SMG9: variants seen among roughly 807,000 people sequenced by gnomAD.
The protein encoded by SMG9 is SMG9 nonsense mediated mRNA decay factor.
In SMG9, 55 loss-of-function variants were observed where a neutral mutation model predicts 64.0. The observed-to-expected ratio is 0.86, with a 90% CI of 0.69 to 1.08. SMG9 has a LOEUF of 1.08. SMG9 is among the 50% of genes least tolerant of loss of function. The pLI, the probability that SMG9 is intolerant of heterozygous loss-of-function variation, is 0.00. For synonymous variants in SMG9, 244 were observed against 254.8 expected (o/e 0.96, Z 0.41); for missense variants, 554 against 681.3 (o/e 0.81, Z 2.08).
chr19:43,753,823 T>C (rs1969268643), intron 1 of SMG9, among the ~76,000 whole-genome samples: 1 of 150,724 alleles, frequency 6.6e-6, no homozygotes, highest in African/African-American at 2.4e-5. Context: ...CCTTGGAACT[T>C]AAAAGCCCAC....
intron 6 of SMG9, among the ~76,000 whole-genome samples, chr19:43,743,164 T>C (rs1031076708): frequency 6.6e-6 from 1 of 152,034 alleles, no homozygotes; most frequent in Non-Finnish European, 1.5e-5. Context: ...CAGGCTGACG[T>C]GGCTCAAAAA....
chr19:43,731,377 G>A lies in SMG9; in HGVS notation c.*219C>T. ...CACAGGACGGGCTACCCCATCTCAG[G>A]TTTGGGGTGGGATCGCTCACAGTCA... is the stretch of plus-strand genomic sequence containing the variant. On this transcript the variant is annotated 3_prime_UTR_variant, in exon 14 of 14. Transcript: ENST00000270066. 7.3e-7 allele frequency: 1 copy of A among 1,368,654 alleles called. No individual in the cohort carries two copies. Among genetic ancestry groups the A allele is most frequent in the Non-Finnish European group, 9.4e-7 (1 of 1,060,262 alleles). The allele number at this position is 1,368,654 out of a possible 1,614,324, so 84.8% of individuals were successfully genotyped here. A position where few individuals can be genotyped will look rare whatever the true frequency, so the allele number is the denominator to read the frequency against.
At chr19:43,737,086 C>T (rs1968694069) in intron 9 of SMG9, among the ~76,000 whole-genome samples, 1 of 152,106 alleles carries the variant, frequency 6.6e-6, no homozygotes, top group African/African-American at 2.4e-5. Flanking sequence ...CCAGCCTAGC[C>T]AACATGGTGA....
intron 5 of SMG9, among the ~76,000 whole-genome samples, chr19:43,747,223 A>C (rs1007990837): frequency 1.3e-5 from 2 of 152,130 alleles, no homozygotes; most frequent in Non-Finnish European, 2.9e-5. Context: ...GTACTTCTTT[A>C]CCAATCGGTA....
At chr19:43,737,856 A>T in intron 8 of SMG9, 174 bp from the exon 9 acceptor site, 1 of 673,796 alleles carries the variant, frequency 1.5e-6, no homozygotes, top group Non-Finnish European at 2.5e-6. Context: ...AACTCAGGAA[A>T]GGTGGGAATT....
chr19:43,741,421 A>G (rs561618917), intron 6 of SMG9, among the ~76,000 whole-genome samples: 75 of 152,344 alleles, frequency 4.9e-4, no homozygotes, highest in Non-Finnish European at 9.4e-4. Context: ...GGGAGCAAGA[A>G]GAGGATACAC....
At chr19:43,744,232 A>G (rs1968930739) in intron 6 of SMG9, among the ~76,000 whole-genome samples, 1 of 152,186 alleles carries the variant, frequency 6.6e-6, no homozygotes, top group Non-Finnish European at 1.5e-5. Flanking sequence ...TCCCAAGGTG[A>G]CACAGTAGGA....
At chr19:43,732,636 A>G in intron 13 of SMG9, 1 of 585,852 alleles carries the variant, frequency 1.7e-6, no homozygotes, top group Non-Finnish European at 3.0e-6. Context: ...AAGGACCTAC[A>G]TGATGCTGGC....
At chr19:43,742,779 C>A (rs917305786) in intron 6 of SMG9, among the ~76,000 whole-genome samples, 1 of 151,998 alleles carries the variant, frequency 6.6e-6, no homozygotes, top group Admixed American at 6.6e-5. Flanking sequence ...AGGGAAGAAA[C>A]AGATGAATTA....
intron 2 of SMG9, among the ~76,000 whole-genome samples, chr19:43,749,204 G>A (rs1322890593): frequency 2.0e-5 from 3 of 152,184 alleles, no homozygotes; most frequent in African/African-American, 2.4e-5. Context: ...ATATAACCAG[G>A]CGGCAGAATG....
chr19:43,744,665 C>A, intron 6 of SMG9, 107 bp downstream of exon 6: 9 of 714,986 alleles, frequency 1.3e-5, no homozygotes, highest in Non-Finnish European at 2.1e-5. Flanking sequence ...AGAAAAGCAA[C>A]TTTCCAAAGT....
chr19:43,743,085 A>G (rs536403015), intron 6 of SMG9, among the ~76,000 whole-genome samples: 4 of 149,678 alleles, frequency 2.7e-5, no homozygotes, highest in African/African-American at 1.0e-4. Flanking sequence ...AAAAAAAAAG[A>G]GAGAGAGAGA....
intron 5 of SMG9, 40 bp downstream of exon 5, chr19:43,747,402 G>C: frequency 1.3e-6 from 2 of 1,589,090 alleles, no homozygotes; most frequent in Middle Eastern, 1.7e-4. Flanking sequence ...AGAGGATGCA[G>C]GATGTGCGGA....
At chr19:43,732,643 T>G (rs973039217) in intron 13 of SMG9, 1 of 600,036 alleles carries the variant, frequency 1.7e-6, no homozygotes, top group Non-Finnish European at 2.9e-6. Flanking sequence ...TACATGATGC[T>G]GGCTGATTAG....
chr19:43,731,071 C>A lies in SMG9; in HGVS notation c.*525G>T. ...CTTAGCAGAGACTGATCTCCATCTG[C>A]CCGCAAGGGCTGGGTGTCCAATTTG... On this transcript the variant is annotated 3_prime_UTR_variant, in exon 14 of 14. Coordinates refer to ENST00000270066, the MANE Select transcript of SMG9 (RefSeq NM_019108.4). 1.0e-6 allele frequency: 1 copy of A among 972,450 alleles called. No homozygotes were observed. Among genetic ancestry groups the A allele is most frequent in the Non-Finnish European group, 1.2e-6 (1 of 818,014 alleles). 60.2% of individuals were successfully genotyped at this position (972,450 alleles called of 1,614,324 possible).
chr19:43,746,376 G>A (rs1465497473), intron 5 of SMG9, among the ~76,000 whole-genome samples: 3 of 152,162 alleles, frequency 2.0e-5, no homozygotes, highest in African/African-American at 4.8e-5. Flanking sequence ...TGGGGATAGC[G>A]GCTACCATAC....
chr19:43,742,872 C>G (rs778597255), intron 6 of SMG9, among the ~76,000 whole-genome samples: 1 of 152,042 alleles, frequency 6.6e-6, no homozygotes, highest in Non-Finnish European at 1.5e-5. Context: ...GGGCAGATCA[C>G]CTGTCAGGAG....
Position 43,740,105 on chromosome 19 carries a change from A to G in SMG9, c.813+2T>C. The G allele has an allele frequency of 1.2e-6, 2 of 1,604,518 alleles. No homozygotes were observed. Among genetic ancestry groups the G allele is most frequent in the Non-Finnish European group, 1.7e-6 (2 of 1,171,328 alleles). ...TGGGGCAAAGGCAGGCGGGGCTGGC[A>G]CCTGTGTGTCCAGGAAAACAATCCG... On this transcript the variant is annotated splice_donor_variant, in intron 7 of 13. Transcript: ENST00000270066. LOFTEE classifies it high-confidence loss of function.
chr19:43,748,103 G>A lies in SMG9; in HGVS notation c.151-51C>T, dbSNP rs774852542. The A allele has an allele frequency of 2.6e-6, 4 of 1,558,560 alleles. No individual in the cohort carries two copies. In the East Asian group the frequency reaches 9.0e-5, roughly 35 times the overall value. ...ATGAATGGCTCTCCTGGACATTCCA[G>A]ATCTTTATGTACCATGAACTATTCT... On this transcript the variant is annotated intron_variant, in intron 2 of 13. Transcript: ENST00000270066.
Sources: gnomAD v4.1 joint callset for allele counts (sites outside exome capture counted in the v4.1 genomes callset) on GRCh38, gnomAD v4.1.1 for gene constraint, MANE v1.5 for transcripts, NCBI Gene and HGNC (gene_info 2026-07-23, HGNC 2026-07-21) for gene names.